Variants in KIAA0319 observed in about 807,000 individuals in gnomAD.
KIAA0319 encodes the protein KIAA0319.
In KIAA0319, 83 loss-of-function variants were observed where a neutral mutation model predicts 108.4. The observed-to-expected ratio is 0.77, with a 90% CI of 0.64 to 0.92. The LOEUF is 0.92. Among genes scored for constraint, KIAA0319 ranks in the 40% least tolerant of loss-of-function variants. The pLI, the probability that KIAA0319 is intolerant of heterozygous loss-of-function variation, is 0.00. For synonymous variants in KIAA0319, 484 were observed against 510.4 expected, an observed-to-expected ratio of 0.95 and a Z score of 0.70; for missense variants, 1,195 against 1,322.4, an observed-to-expected ratio of 0.90 and a Z score of 1.49.
At chr6:24,557,763 C>A (rs1010558796) in intron 17 of KIAA0319, among the ~76,000 whole-genome samples, 2 of 146,044 alleles carry the variant, frequency 1.4e-5, no homozygotes, top group African/African-American at 5.1e-5. Flanking sequence ...TCATAATATA[C>A]TTTTTTTTTT....
At chr6:24,644,486 T>C (rs1481126520) in intron 1 of KIAA0319, among the ~76,000 whole-genome samples, 2 of 152,166 alleles carry the variant, frequency 1.3e-5, no homozygotes, top group East Asian at 3.8e-4. Context: ...TAGCCTGTGG[T>C]AAAATTGGTT....
In KIAA0319 at chr6:24,551,493, T is replaced by G; in HGVS notation, c.2981A>C (p.Lys994Thr). 1 of 1,612,476 alleles carries G rather than the reference T, an allele frequency of 6.2e-7. No individual in the cohort carries two copies. The highest frequency in any genetic ancestry group is 8.5e-7 in the Non-Finnish European group (1 of 1,178,492). ...ATCCATGTTATCCAGGATGGTGTACTTTGTTTTTTTCCTGATTTTAGTCCT... is the reference window on the plus strand; with the variant it reads ...ATCCATGTTATCCAGGATGGTGTACGTTGTTTTTTTCCTGATTTTAGTCCT... Reference protein sequence around the residue: ...QKRTKIRKKTKYTILDNMDEQ... With the variant: ...QKRTKIRKKTTYTILDNMDEQ... Residue 994 changes from lysine to threonine, a missense_variant, in exon 20 of 21, where the codon AAG (lysine) becomes ACG (threonine). Coordinates refer to ENST00000378214, the MANE Select transcript of KIAA0319 (RefSeq NM_014809.4).
downstream of KIAA0319, among the ~76,000 whole-genome samples, chr6:24,540,221 CTTA>C (rs76367539): frequency 5.9e-4 from 90 of 151,868 alleles, no homozygotes; most frequent in East Asian, 0.011. Flanking sequence ...AGCATAGTCA[CTTA>C]TTATATACTG....
chr6:24,630,844 ACTT>A (rs1775494853), intron 1 of KIAA0319, among the ~76,000 whole-genome samples: 1 of 152,148 alleles, frequency 6.6e-6, no homozygotes, highest in African/African-American at 2.4e-5. Context: ...ATTACAATTT[ACTT>A]CATCATTTCT....
chr6:24,634,748 C>A (rs1298464610), intron 1 of KIAA0319, among the ~76,000 whole-genome samples: 2 of 152,180 alleles, frequency 1.3e-5, no homozygotes, highest in African/African-American at 4.8e-5. Context: ...TAATACAGGT[C>A]TCAATCAATT....
At chr6:24,551,785 C>G (rs1490268342) in intron 19 of KIAA0319, among the ~76,000 whole-genome samples, 5 of 152,194 alleles carry the variant, frequency 3.3e-5, no homozygotes, top group African/African-American at 1.2e-4. Context: ...CCTCAGGCTG[C>G]AGTGCCAATT....
intron 14 of KIAA0319, among the ~76,000 whole-genome samples, chr6:24,564,894 C>T (rs1763677161): frequency 6.6e-6 from 1 of 152,162 alleles, no homozygotes; most frequent in Admixed American, 6.6e-5. Flanking sequence ...ATTGTTATTA[C>T]ATTTAGAGGC....
At chr6:24,602,303 C>T (rs1770744905) in intron 1 of KIAA0319, among the ~76,000 whole-genome samples, 1 of 152,230 alleles carries the variant, frequency 6.6e-6, no homozygotes, top group South Asian at 2.1e-4. Context: ...AGCCATCATG[C>T]CCAGCCTATA....
intron 2 of KIAA0319, chr6:24,600,620 T>C (rs1263880209): frequency 1.3e-6 from 2 of 1,515,582 alleles, no homozygotes; most frequent in African/African-American, 1.4e-5. Context: ...TATACTCACA[T>C]GGGCTCGGCC....
chr6:24,564,562 T>A (rs1448176746), intron 14 of KIAA0319, among the ~76,000 whole-genome samples: 2 of 152,220 alleles, frequency 1.3e-5, no homozygotes, highest in Non-Finnish European at 2.9e-5. Flanking sequence ...CAGTATTTCC[T>A]GAACTGAACT....
intron 11 of KIAA0319, 138 bp downstream of exon 11, chr6:24,572,437 T>C: frequency 1.1e-6 from 1 of 946,138 alleles, no homozygotes; most frequent in Non-Finnish European, 1.5e-6. Flanking sequence ...ATTTAGAACC[T>C]TGAAATGAAA....
In KIAA0319 at chr6:24,627,238, G is replaced by A. The variant is rs556177201; in HGVS notation, c.-106+18498C>T. ...CAACAGAATGCTGTAAGAATTATGGGCTGGCAGGCTCTCCCAAGACATCCT... is the reference window on the plus strand; with the variant it reads ...CAACAGAATGCTGTAAGAATTATGGACTGGCAGGCTCTCCCAAGACATCCT... On this transcript the variant is annotated intron_variant, in intron 1 of 20. Coordinates refer to ENST00000378214, the MANE Select transcript of KIAA0319 (RefSeq NM_014809.4). Among the ~76,000 whole-genome samples the A allele has an allele frequency of 2.0e-5, 3 of 152,280 alleles. No homozygotes were observed. The East Asian group carries it at 5.8e-4, about 29-fold the overall frequency.
downstream of KIAA0319, among the ~76,000 whole-genome samples, chr6:24,543,016 A>G (rs893562512): frequency 6.6e-6 from 1 of 152,242 alleles, no homozygotes; most frequent in Non-Finnish European, 1.5e-5. Context: ...TAAATCCAGA[A>G]CGCTTGCTTT....
rs550864028 is a variant in KIAA0319 at position 24,638,692 on chromosome 6, G to A, written c.-106+7044C>T. Among the ~76,000 whole-genome samples the A allele has an allele frequency of 3.6e-4, 54 of 152,064 alleles. No homozygotes were observed. The Middle Eastern group carries it at 0.014, about 38-fold the overall frequency. ...GGAGAATGGTGTGAACCTGGGAGGCGGAGCTTGCAGTGAGCTGAGATTGCG... is the reference window on the plus strand; with the variant it reads ...GGAGAATGGTGTGAACCTGGGAGGCAGAGCTTGCAGTGAGCTGAGATTGCG... On this transcript the variant is annotated intron_variant, in intron 1 of 20. Coordinates refer to ENST00000378214, the MANE Select transcript of KIAA0319 (RefSeq NM_014809.4).
chr6:24,557,180 G>A (rs945227492), intron 17 of KIAA0319, among the ~76,000 whole-genome samples: 1 of 150,688 alleles, frequency 6.6e-6, no homozygotes, highest in African/African-American at 2.5e-5. Context: ...ACTCCAGCCT[G>A]GTGACAGAGC....
At chr6:24,566,775 CAA>C in intron 13 of KIAA0319, 27 bp from the exon 14 acceptor site, 1 of 1,585,978 alleles carries the variant, frequency 6.3e-7, no homozygotes, top group Non-Finnish European at 8.6e-7. Flanking sequence ...AAAATGAAAG[CAA>C]AGAGATTGAT....
At chr6:24,616,209 C>A (rs1773120722) in intron 1 of KIAA0319, among the ~76,000 whole-genome samples, 2 of 152,168 alleles carry the variant, frequency 1.3e-5, no homozygotes, top group Admixed American at 1.3e-4. Context: ...ATTTTTAAAA[C>A]CCAATTAATA....
At chr6:24,552,759 C>T (rs1165864481) in intron 19 of KIAA0319, among the ~76,000 whole-genome samples, 1 of 152,182 alleles carries the variant, frequency 6.6e-6, no homozygotes, top group Non-Finnish European at 1.5e-5. Flanking sequence ...GCATGCACCA[C>T]CACGCCCAGC....
chr6:24,600,816 T>TA (rs1208092942), intron 2 of KIAA0319: 11 of 751,726 alleles, frequency 1.5e-5, no homozygotes, highest in Non-Finnish European at 2.1e-5. Flanking sequence ...TTTCCTAGTA[T>TA]ATATGAAATG....
Sources: gnomAD v4.1 joint callset for allele counts (sites outside exome capture counted in the v4.1 genomes callset) on GRCh38, gnomAD v4.1.1 for gene constraint, MANE v1.5 for transcripts, NCBI Gene and HGNC (gene_info 2026-07-23, HGNC 2026-07-21) for gene names.